The following PLXDC2 variants were observed in gnomAD, a reference collection of about 807,000 sequenced individuals.
The protein encoded by PLXDC2 is plexin domain-containing protein 2.
PLXDC2 carries 40 observed loss-of-function variants against 68.9 expected under a neutral mutation model. That is an observed-to-expected ratio of 0.58 (90% CI 0.45 to 0.76). The LOEUF (loss-of-function observed/expected upper bound fraction) is 0.76. PLXDC2 is among the 30% of genes least tolerant of loss of function. PLXDC2 has a pLI of 0.00. For synonymous variants in PLXDC2, 243 were observed against 234.2 expected, an observed-to-expected ratio of 1.04 and a Z score of -0.34; for missense variants, 644 against 661.9, an observed-to-expected ratio of 0.97 and a Z score of 0.30.
intron 1 of PLXDC2, among the ~76,000 whole-genome samples, chr10:19,855,223 G>A (rs991896470): frequency 4.2e-5 from 4 of 95,946 alleles, no homozygotes; most frequent in South Asian, 2.6e-4. Context: ...ACTCAAATAC[G>A]ATTTTGTTGT....
chr10:19,885,123 A>C (rs1188005067), intron 1 of PLXDC2, among the ~76,000 whole-genome samples: 2 of 151,942 alleles, frequency 1.3e-5, no homozygotes, highest in South Asian at 4.1e-4. Flanking sequence ...GCATTTTTTC[A>C]TGTGTTTTTT....
At chr10:20,247,019 C>T (rs978247572) in intron 13 of PLXDC2, among the ~76,000 whole-genome samples, 1 of 152,120 alleles carries the variant, frequency 6.6e-6, no homozygotes, top group Non-Finnish European at 1.5e-5. Context: ...GGCCTTGGCA[C>T]TCTCAATCTT....
At chr10:19,840,660 G>C (rs1246978667) in intron 1 of PLXDC2, among the ~76,000 whole-genome samples, 3 of 151,938 alleles carry the variant, frequency 2.0e-5, no homozygotes, top group Non-Finnish European at 4.4e-5. Context: ...ATTTCATCAA[G>C]GAACTTCTAA....
chr10:20,225,321 A>T lies in PLXDC2; in HGVS notation c.1312+6219A>T, dbSNP rs140104791. Among the ~76,000 whole-genome samples, 28 of 152,296 alleles carry T rather than the reference A, an allele frequency of 1.8e-4. 1 individual carries two copies. The East Asian group carries it at 5.2e-3, about 28-fold the overall frequency. ...TCAGTCAAATTATTTTTTGACTTTCATACATAAATCATCAAAGCAACATAT... is the reference window on the plus strand; with the variant it reads ...TCAGTCAAATTATTTTTTGACTTTCTTACATAAATCATCAAAGCAACATAT... On this transcript the variant is annotated intron_variant, in intron 12 of 13. Transcript: ENST00000377252.
intron 1 of PLXDC2, among the ~76,000 whole-genome samples, chr10:19,962,989 C>CAAAAAA (rs56922353): frequency 2.3e-5 from 2 of 88,250 alleles, no homozygotes; most frequent in African/African-American, 4.6e-5. Context: ...GACTACGTCT[C>CAAAAAA]AAAAAAAAAA....
intron 3 of PLXDC2, among the ~76,000 whole-genome samples, chr10:20,058,794 G>C (rs1413022353): frequency 6.6e-6 from 1 of 152,144 alleles, no homozygotes; most frequent in Non-Finnish European, 1.5e-5. Context: ...TAGTTTTAAA[G>C]ACACTTGTCT....
At chr10:19,836,828 A>G (rs1836801412) in intron 1 of PLXDC2, among the ~76,000 whole-genome samples, 1 of 152,222 alleles carries the variant, frequency 6.6e-6, no homozygotes, top group African/African-American at 2.4e-5. Context: ...AATAGAAGAA[A>G]GAATGTTGTT....
At chr10:20,269,978 AC>A (rs1161963076) in intron 13 of PLXDC2, among the ~76,000 whole-genome samples, 1 of 152,118 alleles carries the variant, frequency 6.6e-6, no homozygotes, top group Non-Finnish European at 1.5e-5. Flanking sequence ...AGATCACACC[AC>A]TGCACTACAT....
chr10:20,017,812 G>A (rs1465774668), intron 2 of PLXDC2, among the ~76,000 whole-genome samples: 1 of 152,226 alleles, frequency 6.6e-6, no homozygotes, highest in Non-Finnish European at 1.5e-5. Context: ...AAGTGGGCTT[G>A]GAGTCATGCA....
At chr10:19,821,905 T>C (rs1836472366) in intron 1 of PLXDC2, among the ~76,000 whole-genome samples, 1 of 152,204 alleles carries the variant, frequency 6.6e-6, no homozygotes. Flanking sequence ...TTTTTTCTTT[T>C]ATACATTCCT....
intron 1 of PLXDC2, among the ~76,000 whole-genome samples, chr10:19,960,390 T>C (rs914202891): frequency 1.3e-5 from 2 of 151,496 alleles, no homozygotes; most frequent in Admixed American, 1.3e-4. Flanking sequence ...ATAAGAAGAA[T>C]AAAATAAAAT....
At chr10:20,028,843 T>C (rs1835451858) in intron 2 of PLXDC2, among the ~76,000 whole-genome samples, 1 of 152,214 alleles carries the variant, frequency 6.6e-6, no homozygotes, top group African/African-American at 2.4e-5. Context: ...TTTTCTAGAT[T>C]GTTCCTTCTA....
chr10:19,841,141 C>T (rs368004200), intron 1 of PLXDC2, among the ~76,000 whole-genome samples: 1 of 152,166 alleles, frequency 6.6e-6, no homozygotes, highest in Non-Finnish European at 1.5e-5. Flanking sequence ...AATCTTACAT[C>T]GTTTTCAAAG....
chr10:20,165,354 T>C (rs1184234293), intron 7 of PLXDC2, among the ~76,000 whole-genome samples: 1 of 152,106 alleles, frequency 6.6e-6, no homozygotes, highest in Non-Finnish European at 1.5e-5. Flanking sequence ...GTATACATGG[T>C]GCCACGCTGG....
chr10:20,124,948 G>A (rs1198228874), intron 4 of PLXDC2, among the ~76,000 whole-genome samples: 2 of 152,120 alleles, frequency 1.3e-5, no homozygotes, highest in African/African-American at 4.8e-5. Flanking sequence ...ATGACCTTTG[G>A]TTTAGAAAGC....
intron 2 of PLXDC2, among the ~76,000 whole-genome samples, chr10:20,026,343 T>G (rs1835402652): frequency 6.6e-6 from 1 of 152,154 alleles, no homozygotes; most frequent in Non-Finnish European, 1.5e-5. Context: ...GGTTGGCATT[T>G]CAACTGCAAA....
chr10:19,877,281 C>G (rs918066286), intron 1 of PLXDC2, among the ~76,000 whole-genome samples: 1 of 151,968 alleles, frequency 6.6e-6, no homozygotes, highest in Non-Finnish European at 1.5e-5. Flanking sequence ...GATGATATAA[C>G]TGTAGCAAAC....
intron 4 of PLXDC2, among the ~76,000 whole-genome samples, chr10:20,080,905 G>A (rs1836544469): frequency 6.6e-6 from 1 of 152,212 alleles, no homozygotes; most frequent in Non-Finnish European, 1.5e-5. Flanking sequence ...CACTTAAAAG[G>A]TAACTTCCAC....
intron 2 of PLXDC2, among the ~76,000 whole-genome samples, chr10:20,016,482 A>T (rs1393840113): frequency 1.3e-5 from 2 of 152,204 alleles, no homozygotes; most frequent in African/African-American, 2.4e-5. Flanking sequence ...CGCCACTGGG[A>T]TTCTTTGTCT....
Sources: allele counts gnomAD v4.1 joint callset (sites outside exome capture counted in the v4.1 genomes callset), GRCh38; gene constraint gnomAD v4.1.1; transcripts MANE v1.5; gene names NCBI Gene and HGNC (gene_info 2026-07-23, HGNC 2026-07-21).